The following TOP2A variants were observed in gnomAD, a reference collection of about 807,000 sequenced individuals.
TOP2A encodes DNA topoisomerase 2-alpha.
A neutral mutation model predicts 187.2 loss-of-function variants in TOP2A; 68 were observed. The observed-to-expected ratio is 0.36, with a 90% CI of 0.30 to 0.44. The LOEUF is 0.44. TOP2A is among the 20% of genes least tolerant of loss of function. The pLI is 1.00. For missense variants in TOP2A, 1,196 were observed against 1,808.7 expected (o/e 0.66, Z 6.14); for synonymous variants, 542 against 593.2 (o/e 0.91, Z 1.25).
Position 40,392,697 on chromosome 17 carries a change from T to C in TOP2A, c.3852A>G (p.Pro1284=). The C allele has an allele frequency of 6.2e-7, 1 of 1,612,878 alleles. No individual in the cohort carries two copies. The highest frequency in any genetic ancestry group is 8.5e-7 in the Non-Finnish European group (1 of 1,179,806). The change falls in exon 30 of 35, where the codon CCA becomes CCG. Residue 1284 remains proline (P), a synonymous_variant. Transcript: ENST00000423485. Reference sequence around the variant, plus strand: ...GATTTCTCTTCTTTCCTTTTTTGATTGGCTTAAATGCCAATGTAGTTTGTT... The same window carrying C: ...GATTTCTCTTCTTTCCTTTTTTGATCGGCTTAAATGCCAATGTAGTTTGTT... ...TKKQTTLAFK[P]IKKGKKRNPW... is the part of the protein sequence containing the mutation.
chr17:40,400,735 C>T (rs1057408630), intron 21 of TOP2A, 72 bp from the exon 22 acceptor site: 1 of 1,539,450 alleles, frequency 6.5e-7, no homozygotes, highest in African/African-American at 1.4e-5. Flanking sequence ...CAGCGTTTAA[C>T]AATAAATCTA....
rs1440770758 is a variant in TOP2A, at chr17:40,416,545, T to A, written c.178-33A>T. ...TAAGGCAAAGAAATACTGTTATTTT[T>A]ATTCTATATTCATTGTTCTGTTATC... On this transcript the variant is annotated intron_variant, in intron 2 of 34. Coordinates refer to ENST00000423485, the MANE Select transcript of TOP2A (RefSeq NM_001067.4). 3 of 1,500,990 alleles carry A rather than the reference T, an allele frequency of 2.0e-6. No homozygotes were observed. The African/African-American group carries it at 4.2e-5, about 21-fold the overall frequency. The allele number at this position is 1,500,990 out of a possible 1,614,324, so 93.0% of individuals were successfully genotyped here. A position where few individuals can be genotyped will look rare whatever the true frequency, so the allele number is the denominator to read the frequency against.
chr17:40,408,278 C>G (rs1371149433), intron 11 of TOP2A, among the ~76,000 whole-genome samples, 154 bp from the exon 12 acceptor site: 1 of 152,016 alleles, frequency 6.6e-6, no homozygotes, highest in Admixed American at 6.5e-5. Context: ...TATAAACATT[C>G]TTGTTTTATA....
intron 29 of TOP2A, among the ~76,000 whole-genome samples, chr17:40,394,016 A>G (rs1242873627): frequency 6.6e-6 from 1 of 150,576 alleles, no homozygotes; most frequent in African/African-American, 2.5e-5. Flanking sequence ...AGATCTCACT[A>G]CTACTGCATA....
chr17:40,411,262 A>G lies in TOP2A; in HGVS notation c.1066-16T>C. The G allele has an allele frequency of 6.2e-7, 1 of 1,612,176 alleles. No individual in the cohort carries two copies. Among genetic ancestry groups the G allele is most frequent in the South Asian group, 1.1e-5 (1 of 90,544 alleles). ...GATTTTTCACCTGCAATAGAAGTTG[A>G]TATTAAGCCACTAAAAATGTACTCA... On this transcript the variant is annotated splice_polypyrimidine_tract_variant and intron_variant, in intron 9 of 34. Coordinates refer to ENST00000423485, the MANE Select transcript of TOP2A (RefSeq NM_001067.4). The surrounding 1 kb of genome is among the most constrained non-coding windows in gnomAD (Gnocchi z 4.4).
At chr17:40,398,752 A>G (rs374940612) in intron 26 of TOP2A, 21 bp downstream of exon 26, 6 of 1,607,486 alleles carry the variant, frequency 3.7e-6, no homozygotes, top group Non-Finnish European at 5.1e-6. Context: ...AGCAGCATGT[A>G]CCATCCTACT....
intron 14 of TOP2A, 36 bp from the exon 15 acceptor site, chr17:40,406,725 T>C: frequency 6.3e-7 from 1 of 1,594,750 alleles, no homozygotes; most frequent in Non-Finnish European, 8.6e-7. Context: ...CTTTGTACAC[T>C]GTGGGGTCCC....
chr17:40,400,203 A>G lies in TOP2A; in HGVS notation c.3000+6T>C. 1 of 1,613,174 alleles carries G rather than the reference A, an allele frequency of 6.2e-7. No homozygotes were observed. The highest frequency in any genetic ancestry group is 8.5e-7 in the Non-Finnish European group (1 of 1,179,154). On this transcript the variant is annotated splice_donor_region_variant and intron_variant, in intron 23 of 34. Transcript: ENST00000423485. ...AACGTGTACATCTCACAAAACAAAT[A>G]CATACCATAGAGTTGCATGTGAGAC...
At chr17:40,402,580 A>G (rs1472469256) in intron 20 of TOP2A, among the ~76,000 whole-genome samples, 1 of 152,226 alleles carries the variant, frequency 6.6e-6, no homozygotes, top group Admixed American at 6.5e-5. Flanking sequence ...GGTGACTGGG[A>G]TGACAGCTGA....
Position 40,411,771 on chromosome 17 carries a change from C to T in TOP2A, c.837G>A (p.Leu279=). 1 of 1,608,932 alleles carries T rather than the reference C, an allele frequency of 6.2e-7. No individual in the cohort carries two copies. Among genetic ancestry groups the T allele is most frequent in the Non-Finnish European group, 8.5e-7 (1 of 1,178,450 alleles). The change falls in exon 8 of 35, where the codon TTG becomes TTA. Residue 279 remains leucine, a synonymous_variant. Coordinates refer to ENST00000423485, the MANE Select transcript of TOP2A (RefSeq NM_001067.4). This position sits in a 1 kb window ranked among gnomAD's most constrained non-coding sequence, Gnocchi z 4.4. ...SYVDMYLKDK[L]DETGNSLKVI... ...CTTTCAAGGAGTTACCAGTTTCATC[C>T]AACTTGTCCTTCAAATACATGTCCA...
In TOP2A at chr17:40,389,401, G is replaced by A. The variant is rs1354651948; in HGVS notation, c.*118C>T. On this transcript the variant is annotated 3_prime_UTR_variant, in exon 35 of 35. Coordinates refer to ENST00000423485, the MANE Select transcript of TOP2A (RefSeq NM_001067.4). ...GGGCTTTACTTCACTTTGATGTCTT[G>A]TACTAAAAACACCTTCCCCAAACTA... The A allele has an allele frequency of 2.5e-6, 3 of 1,183,364 alleles. No individual in the cohort carries two copies. The highest frequency in any genetic ancestry group is 2.7e-5 in the Admixed American group (1 of 36,652). The allele number at this position is 1,183,364 out of a possible 1,614,324, so 73.3% of individuals were successfully genotyped here.
chr17:40,409,524 C>T (rs777801479), intron 10 of TOP2A: 11 of 432,344 alleles, frequency 2.5e-5, no homozygotes, highest in South Asian at 3.3e-5. Flanking sequence ...TTTAGGAGGC[C>T]GAGGATGGTG....
chr17:40,401,135 T>G, intron 20 of TOP2A, 54 bp from the exon 21 acceptor site: 1 of 1,473,626 alleles, frequency 6.8e-7, no homozygotes, highest in Non-Finnish European at 9.3e-7. Flanking sequence ...ATTTCACACT[T>G]AACTTTTATG....
chr17:40,392,040 GTC>G, intron 32 of TOP2A, 26 bp downstream of exon 32: 1 of 1,605,802 alleles, frequency 6.2e-7, no homozygotes, highest in Non-Finnish European at 8.5e-7. Context: ...TAAGGCAGAT[GTC>G]TCACTACTTT....
intron 10 of TOP2A, 50 bp from the exon 11 acceptor site, chr17:40,408,680 C>A: frequency 6.4e-7 from 1 of 1,573,608 alleles, no homozygotes; most frequent in Non-Finnish European, 8.7e-7. Context: ...AAGAAGGGAT[C>A]TATCAGAAAT....
intron 19 of TOP2A, 61 bp downstream of exon 19, chr17:40,404,091 A>G (rs1423936979): frequency 8.7e-5 from 138 of 1,580,128 alleles, no homozygotes; most frequent in Non-Finnish European, 1.2e-4. Context: ...ATCTGTTTTG[A>G]GAATGACTCT....
At chr17:40,399,452 T>C (rs1304800261) in intron 24 of TOP2A, among the ~76,000 whole-genome samples, 2 of 151,788 alleles carry the variant, frequency 1.3e-5, no homozygotes, top group African/African-American at 4.8e-5. Flanking sequence ...GTGCTGAGAT[T>C]ACAGGCATGC....
chr17:40,407,765 G>A (rs2035266875), intron 12 of TOP2A, 91 bp from the exon 13 acceptor site: 1 of 1,323,352 alleles, frequency 7.6e-7, no homozygotes. Flanking sequence ...ATTTTCTTGA[G>A]CTCCAGTATT....
At chr17:40,391,079 G>C (rs1246994494) in intron 33 of TOP2A, among the ~76,000 whole-genome samples, 2 of 150,354 alleles carry the variant, frequency 1.3e-5, no homozygotes, top group African/African-American at 4.9e-5. Context: ...TTGGAGACAG[G>C]GTCTTGCTCT....
Sources: allele counts gnomAD v4.1 joint callset (sites outside exome capture counted in the v4.1 genomes callset), GRCh38; gene constraint gnomAD v4.1.1; non-coding constraint Gnocchi (gnomAD v3.1); transcripts MANE v1.5; gene names NCBI Gene and HGNC (gene_info 2026-07-23, HGNC 2026-07-21).